The following COL13A1 variants were observed in gnomAD, a reference collection of about 807,000 sequenced individuals.
COL13A1 encodes the protein collagen type XIII alpha 1 chain.
In COL13A1, 89 loss-of-function variants were observed where a neutral mutation model predicts 130.9. The ratio of observed to expected loss-of-function variants is 0.68; its 90% CI spans 0.57 to 0.81. The LOEUF (loss-of-function observed/expected upper bound fraction) is 0.81, where lower values mean the gene tolerates loss of function less well. Ranked by LOEUF, COL13A1 falls within the 30% of genes least tolerant of loss-of-function variation. COL13A1 has a pLI of 0.00. For synonymous variants in COL13A1, 402 were observed against 341.6 expected (o/e 1.18, Z -1.95); for missense variants, 879 against 934.6 (o/e 0.94, Z 0.78).
At chr10:69,820,496 G>C (rs113802154) in intron 1 of COL13A1, among the ~76,000 whole-genome samples, 127 of 152,348 alleles carry the variant, frequency 8.3e-4, no homozygotes, top group African/African-American at 3.0e-3. Context: ...AGGCAGGTTC[G>C]TACAGTCCCT....
chr10:69,872,282 G>A, intron 4 of COL13A1, 72 bp downstream of exon 4: 1 of 1,577,430 alleles, frequency 6.3e-7, no homozygotes, highest in Non-Finnish European at 8.7e-7. Context: ...GACTGGCTAG[G>A]TTGGGTGGCT....
At chr10:69,947,861 C>T (rs191069431) in intron 38 of COL13A1, among the ~76,000 whole-genome samples, 5 of 152,222 alleles carry the variant, frequency 3.3e-5, no homozygotes, top group Admixed American at 2.0e-4. Context: ...GAAAGGACTG[C>T]GCCTTCTCAG....
chr10:69,956,970 A>C (rs759124574), intron 39 of COL13A1, 34 bp from the exon 40 acceptor site: 1 of 1,603,022 alleles, frequency 6.2e-7, no homozygotes, highest in Non-Finnish European at 8.5e-7. Context: ...CATTGCAGGA[A>C]GTCTGAGCCC....
chr10:69,954,568 A>G (rs1292523611), intron 39 of COL13A1, among the ~76,000 whole-genome samples: 1 of 152,224 alleles, frequency 6.6e-6, no homozygotes, highest in Non-Finnish European at 1.5e-5. Flanking sequence ...GAAGGGCATG[A>G]TTACAGAGTA....
chr10:69,924,317 C>T (rs1383898679), intron 24 of COL13A1, among the ~76,000 whole-genome samples: 1 of 152,080 alleles, frequency 6.6e-6, no homozygotes, highest in Non-Finnish European at 1.5e-5. Context: ...TGATTTTTTT[C>T]AATTGTCTTT....
At position 69,959,022 on chromosome 10, in the gene COL13A1, T is replaced by C; in HGVS notation, c.*321T>C. On this transcript the variant is annotated 3_prime_UTR_variant, in exon 41 of 41. Transcript: ENST00000645393. ...AGGGGGCCAGCCAGAACTGAGGTGC[T>C]GGCTAGCTCATGTGTGAATTCACAT... 1 of 328,646 alleles carries C rather than the reference T, an allele frequency of 3.0e-6. No individual in the cohort carries two copies. The highest frequency in any genetic ancestry group is 5.6e-6 in the Non-Finnish European group (1 of 179,214). The allele number at this position is 328,646 out of a possible 1,614,324, so 20.4% of individuals were successfully genotyped here. A position where few individuals can be genotyped will look rare whatever the true frequency, so the allele number is the denominator to read the frequency against.
At chr10:69,813,770 G>A (rs930964471) in intron 1 of COL13A1, among the ~76,000 whole-genome samples, 3 of 152,184 alleles carry the variant, frequency 2.0e-5, no homozygotes, top group Admixed American at 6.5e-5. Flanking sequence ...GGGGCATGTG[G>A]CTACGAGTGG....
chr10:69,818,699 AG>A (rs771900162), intron 1 of COL13A1, among the ~76,000 whole-genome samples: 2 of 152,214 alleles, frequency 1.3e-5, no homozygotes, highest in East Asian at 1.9e-4. Context: ...GTTGTGGTGC[AG>A]GGGGAGTCAA....
intron 1 of COL13A1, among the ~76,000 whole-genome samples, chr10:69,813,126 C>A (rs1201730614): frequency 2.0e-5 from 3 of 152,200 alleles, no homozygotes; most frequent in Admixed American, 6.5e-5. Flanking sequence ...TAGTCAATAC[C>A]CATTTGTGAA....
At chr10:69,824,630 G>C (rs1847038291) in intron 2 of COL13A1, among the ~76,000 whole-genome samples, 1 of 152,194 alleles carries the variant, frequency 6.6e-6, no homozygotes, top group Non-Finnish European at 1.5e-5. Flanking sequence ...AGGGTCAGGG[G>C]AGGAGGAAAC....
chr10:69,909,427 C>T (rs147427611), intron 17 of COL13A1, among the ~76,000 whole-genome samples: 1 of 152,252 alleles, frequency 6.6e-6, no homozygotes, highest in Admixed American at 6.5e-5. Flanking sequence ...ATTGCTTCCA[C>T]TGCTCCCAAC....
intron 17 of COL13A1, among the ~76,000 whole-genome samples, chr10:69,907,273 CT>C (rs2062858143): frequency 6.6e-6 from 1 of 152,214 alleles, no homozygotes; most frequent in Non-Finnish European, 1.5e-5. Context: ...TATGACTATT[CT>C]CCTATTTAAA....
In COL13A1 at chr10:69,931,704, G is replaced by A. The variant is rs539977235; in HGVS notation, c.1684-856G>A. Among the ~76,000 whole-genome samples, 3 of 152,350 alleles carry A rather than the reference G, an allele frequency of 2.0e-5. No homozygotes were observed. In the East Asian group the frequency reaches 5.8e-4, roughly 29 times the overall value. On this transcript the variant is annotated intron_variant, in intron 30 of 40. Transcript: ENST00000645393. ...GAGCATTCCTGGATATGGTGTGGAA[G>A]CTCCCTTGTCAGCCTCCCCGAGTTG... is the stretch of plus-strand genomic sequence containing the variant.
chr10:69,917,442 CCTT>C, intron 18 of COL13A1, 109 bp downstream of exon 18: 1 of 951,118 alleles, frequency 1.1e-6, no homozygotes, highest in East Asian at 2.7e-5. Context: ...CTTTGGGCCT[CCTT>C]CTGCCTGCCC....
rs2067160692 is a variant in COL13A1, at chr10:69,937,978, C to CTTCA, written c.1878+264_1878+267dup. On this transcript the variant is annotated intron_variant, in intron 34 of 40. Transcript: ENST00000645393. ...AAGGGGCACTGAGCTGGGAGGGCAG[C>CTTCA]TTCAGGCCCTGCTTGAGCCTGGTTC... 6.6e-5 allele frequency among the ~76,000 whole-genome samples: 10 copies of CTTCA among 152,372 alleles called. 1 individual carries two copies. The South Asian group carries it at 1.7e-3, about 25-fold the overall frequency.
chr10:69,823,160 T>C (rs555829639), intron 2 of COL13A1, among the ~76,000 whole-genome samples: 1 of 152,356 alleles, frequency 6.6e-6, no homozygotes, highest in African/African-American at 2.4e-5. Flanking sequence ...AACAGCTGCG[T>C]ACTAAGGACC....
intron 2 of COL13A1, among the ~76,000 whole-genome samples, chr10:69,822,885 A>G (rs943831960): frequency 6.6e-6 from 1 of 152,224 alleles, no homozygotes; most frequent in Non-Finnish European, 1.5e-5. Flanking sequence ...CTTATTTTCT[A>G]TAGCTAGCTG....
At chr10:69,843,037 A>C (rs1485029465) in intron 2 of COL13A1, among the ~76,000 whole-genome samples, 1 of 152,172 alleles carries the variant, frequency 6.6e-6, no homozygotes, top group African/African-American at 2.4e-5. Context: ...GCTGAGCCTA[A>C]AGGCCTTCTG....
intron 38 of COL13A1, among the ~76,000 whole-genome samples, chr10:69,949,417 A>C (rs1341116717): frequency 6.6e-6 from 1 of 152,224 alleles, no homozygotes; most frequent in African/African-American, 2.4e-5. Context: ...TCCTGACCTC[A>C]AGTGATCCTC....
Sources: gnomAD v4.1 joint callset for allele counts (sites outside exome capture counted in the v4.1 genomes callset) on GRCh38, gnomAD v4.1.1 for gene constraint, MANE v1.5 for transcripts, NCBI Gene and HGNC (gene_info 2026-07-23, HGNC 2026-07-21) for gene names.